The following ZNF407 variants were observed in gnomAD, a reference collection of about 807,000 sequenced individuals.
ZNF407 encodes zinc finger protein 407.
ZNF407 carries 17 observed loss-of-function variants against 131.2 expected under a neutral mutation model. The ratio of observed to expected loss-of-function variants is 0.13; its 90% CI spans 0.09 to 0.19. ZNF407 has a LOEUF of 0.19. Ranked by LOEUF, ZNF407 falls within the 10% of genes least tolerant of loss-of-function variation. The pLI is 1.00. For missense variants in ZNF407, 2,681 were observed against 2,830.6 expected, an observed-to-expected ratio of 0.95 and a Z score of 1.20; for synonymous variants, 1,156 against 1,062.0, an observed-to-expected ratio of 1.09 and a Z score of -1.72.
chr18:74,869,340 A>T (rs1971055572), intron 4 of ZNF407, among the ~76,000 whole-genome samples: 1 of 152,162 alleles, frequency 6.6e-6, no homozygotes, highest in African/African-American at 2.4e-5. Context: ...ATTCTCCAGG[A>T]CTTGACTTCT....
intron 3 of ZNF407, among the ~76,000 whole-genome samples, chr18:74,699,855 T>G (rs1000760696): frequency 2.6e-5 from 4 of 152,222 alleles, no homozygotes; most frequent in African/African-American, 9.6e-5. Context: ...CTTATTTTAT[T>G]GAAAAACTAG....
At position 74,635,495 on chromosome 18, in the gene ZNF407, A is replaced by G; in HGVS notation, c.4476A>G (p.Thr1492=). ...CCACCTTTAAATGTGTCAAGTGCAC[A>G]GAGCCCTTTGATTCTGAACAGAATT... ...GGATFKCVKC[T]EPFDSEQNLF... is the part of the protein sequence containing the mutation. The change falls in exon 2 of 9, where the codon ACA becomes ACG. Residue 1492 remains threonine (T), a synonymous_variant. Coordinates refer to ENST00000299687, the MANE Select transcript of ZNF407 (RefSeq NM_017757.3). The surrounding 1 kb of genome is among the most constrained non-coding windows in gnomAD (Gnocchi z 4.7). 7 of 1,612,644 alleles carry G rather than the reference A, an allele frequency of 4.3e-6. No homozygotes were observed. The highest frequency in any genetic ancestry group is 5.9e-6 in the Non-Finnish European group (7 of 1,179,146).
intron 3 of ZNF407, among the ~76,000 whole-genome samples, chr18:74,668,945 C>T (rs939383977): frequency 4.6e-5 from 7 of 151,952 alleles, no homozygotes; most frequent in Admixed American, 4.6e-4. Context: ...TCATGCGTGT[C>T]ACGTTCTGGT....
At chr18:74,749,892 TGGAA>T (rs1568196195) in intron 3 of ZNF407, among the ~76,000 whole-genome samples, 2 of 152,190 alleles carry the variant, frequency 1.3e-5, no homozygotes, top group Non-Finnish European at 2.9e-5. Flanking sequence ...TGTATCTTAT[TGGAA>T]ACTATAAAAA....
intron 5 of ZNF407, among the ~76,000 whole-genome samples, chr18:74,880,343 G>T (rs1453042905): frequency 5.3e-5 from 8 of 152,148 alleles, no homozygotes; most frequent in Admixed American, 1.3e-4. Context: ...GTGTTGCAAA[G>T]GTTTCCAATC....
At chr18:74,735,439 A>G (rs1013929759) in intron 3 of ZNF407, among the ~76,000 whole-genome samples, 1 of 152,206 alleles carries the variant, frequency 6.6e-6, no homozygotes, top group East Asian at 1.9e-4. Context: ...ATTTTCCTTA[A>G]TAAAATTCCC....
chr18:74,725,838 AAC>A (rs1282139102), intron 3 of ZNF407, among the ~76,000 whole-genome samples: 1 of 152,244 alleles, frequency 6.6e-6, no homozygotes, highest in Non-Finnish European at 1.5e-5. Context: ...GTTTGGTTAA[AAC>A]ACGATAGTCA....
intron 8 of ZNF407, among the ~76,000 whole-genome samples, chr18:75,004,370 C>T (rs1337812999): frequency 3.9e-5 from 6 of 152,152 alleles, no homozygotes; most frequent in Admixed American, 2.0e-4. Flanking sequence ...TATAAATTGT[C>T]GCAAGGGTCA....
chr18:74,684,444 G>A (rs12606803), intron 3 of ZNF407, among the ~76,000 whole-genome samples: 61,032 of 151,936 alleles, frequency 0.4, 14,357 homozygotes, highest in East Asian at 0.61. Flanking sequence ...GAATACTTAC[G>A]AAATAGTAAA....
intron 7 of ZNF407, among the ~76,000 whole-genome samples, chr18:74,908,509 G>T (rs1472487854): frequency 1.3e-5 from 2 of 152,088 alleles, no homozygotes; most frequent in Non-Finnish European, 2.9e-5. Context: ...TGTGCTGTCT[G>T]TTCTGTTCTA....
intron 3 of ZNF407, among the ~76,000 whole-genome samples, chr18:74,688,616 A>G (rs1435212957): frequency 6.6e-6 from 1 of 152,082 alleles, no homozygotes; most frequent in African/African-American, 2.4e-5. Flanking sequence ...GATCTCATAG[A>G]TTTTCTTCTA....
chr18:74,976,214 G>A (rs72965906), intron 8 of ZNF407, among the ~76,000 whole-genome samples: 28,062 of 152,196 alleles, frequency 0.18, 3,026 homozygotes, highest in Admixed American at 0.28. Flanking sequence ...CCCTGTGGAA[G>A]TGTGAATCCT....
intron 3 of ZNF407, among the ~76,000 whole-genome samples, chr18:74,652,509 A>T (rs1985271956): frequency 1.3e-5 from 2 of 151,986 alleles, no homozygotes; most frequent in African/African-American, 4.8e-5. Context: ...TATTGCTTAT[A>T]TTTTCCCCCC....
chr18:74,829,602 T>C (rs183458797), intron 4 of ZNF407, among the ~76,000 whole-genome samples: 12 of 152,240 alleles, frequency 7.9e-5, no homozygotes, highest in African/African-American at 2.6e-4. Flanking sequence ...TGAGCCCAGA[T>C]TGAAGGAAAT....
intron 3 of ZNF407, among the ~76,000 whole-genome samples, chr18:74,760,499 A>G (rs973798666): frequency 1.6e-4 from 25 of 151,952 alleles, no homozygotes; most frequent in African/African-American, 5.8e-4. Flanking sequence ...CTAGCCTCTT[A>G]TTCTCCCTAA....
In ZNF407 at chr18:74,632,103, G is replaced by T; in HGVS notation, c.1084G>T (p.Val362Phe). The T allele has an allele frequency of 6.2e-7, 1 of 1,613,958 alleles. No homozygotes were observed. The highest frequency in any genetic ancestry group is 1.3e-5 in the African/African-American group (1 of 75,050). The change falls in exon 2 of 9, where the codon GTT becomes TTT. Residue 362 changes from valine (V) to phenylalanine (F), a missense_variant. Coordinates refer to ENST00000299687, the MANE Select transcript of ZNF407 (RefSeq NM_017757.3). ...TACTTTGTCACAGGAAGTAGAGATT[G>T]TTGAAGAACATGTTACTTCCCTTGG... Reference protein sequence around the residue: ...RNTLSQEVEIVEEHVTSLGLA... With the variant: ...RNTLSQEVEIFEEHVTSLGLA...
At chr18:74,994,055 G>A (rs768224921) in intron 8 of ZNF407, among the ~76,000 whole-genome samples, 1 of 152,174 alleles carries the variant, frequency 6.6e-6, no homozygotes, top group East Asian at 1.9e-4. Context: ...AAACCACATT[G>A]TTGGAACATC....
chr18:74,640,145 A>T (rs1984643302), intron 2 of ZNF407, among the ~76,000 whole-genome samples: 1 of 152,082 alleles, frequency 6.6e-6, no homozygotes, highest in Non-Finnish European at 1.5e-5. Context: ...TATCTATTTT[A>T]TGTCTTAAAA....
intron 2 of ZNF407, among the ~76,000 whole-genome samples, chr18:74,640,007 A>G (rs1473301820): frequency 6.6e-6 from 1 of 152,154 alleles, no homozygotes; most frequent in East Asian, 1.9e-4. Context: ...TAACTATAGT[A>G]GAGGGAATAT....
Sources: gnomAD v4.1 joint callset for allele counts (sites outside exome capture counted in the v4.1 genomes callset) on GRCh38, gnomAD v4.1.1 for gene constraint, Gnocchi (gnomAD v3.1) non-coding constraint, MANE v1.5 for transcripts, NCBI Gene and HGNC (gene_info 2026-07-23, HGNC 2026-07-21) for gene names.